The following GALNT10 variants were observed in gnomAD, a reference collection of about 807,000 sequenced individuals.
GALNT10 encodes the protein polypeptide N-acetylgalactosaminyltransferase 10, also known as GalNAc transferase 10.
Under a neutral mutation model 75.0 loss-of-function variants are expected in GALNT10, and 41 were observed. That is an observed-to-expected ratio of 0.55 (90% CI 0.43 to 0.71). GALNT10 has a LOEUF of 0.71. Among genes scored for constraint, GALNT10 ranks in the 30% least tolerant of loss-of-function variants. The probability of loss-of-function intolerance (pLI) is 0.00; values close to 1 mark genes in which losing one functional copy is unlikely to be tolerated. For synonymous variants in GALNT10, 302 were observed against 313.0 expected, an observed-to-expected ratio of 0.96 and a Z score of 0.37; for missense variants, 727 against 818.5, an observed-to-expected ratio of 0.89 and a Z score of 1.36.
At chr5:154,262,837 C>A (rs546973084) in intron 1 of GALNT10, among the ~76,000 whole-genome samples, 14 of 152,126 alleles carry the variant, frequency 9.2e-5, no homozygotes, top group African/African-American at 3.4e-4. Context: ...CATTTTTATT[C>A]TTTTAATGTT....
At chr5:154,271,752 G>C (rs1352734871) in intron 1 of GALNT10, among the ~76,000 whole-genome samples, 1 of 152,248 alleles carries the variant, frequency 6.6e-6, no homozygotes, top group Non-Finnish European at 1.5e-5. Flanking sequence ...AGAGAGGAAA[G>C]AGTCAAAAGC....
At chr5:154,396,415 CA>C (rs1178828289) in intron 7 of GALNT10, among the ~76,000 whole-genome samples, 1 of 152,100 alleles carries the variant, frequency 6.6e-6, no homozygotes, top group Admixed American at 6.5e-5. Flanking sequence ...GATTGCAAGC[CA>C]AGGGTGACCC....
chr5:154,347,215 CAGTG>C (rs750287280), intron 4 of GALNT10: 13 of 476,732 alleles, frequency 2.7e-5, no homozygotes, highest in Non-Finnish European at 4.9e-5. Context: ...TCACAGGACT[CAGTG>C]AGGTGAAACT....
intron 1 of GALNT10, among the ~76,000 whole-genome samples, chr5:154,225,503 A>G (rs1753048629): frequency 6.7e-6 from 1 of 150,338 alleles, no homozygotes; most frequent in East Asian, 2.0e-4. Flanking sequence ...TAGTCCTCCC[A>G]ACTCAGCCTC....
At chr5:154,288,123 G>C (rs1287307033) in intron 1 of GALNT10, among the ~76,000 whole-genome samples, 4 of 152,186 alleles carry the variant, frequency 2.6e-5, no homozygotes, top group African/African-American at 9.7e-5. Flanking sequence ...GCAGAGCCTG[G>C]TCTCTAACAC....
At chr5:154,373,916 A>G (rs1392853120) in intron 4 of GALNT10, among the ~76,000 whole-genome samples, 1 of 152,180 alleles carries the variant, frequency 6.6e-6, no homozygotes, top group African/African-American at 2.4e-5. Flanking sequence ...CTCAATGATT[A>G]GAGCCGGCCA....
intron 5 of GALNT10, among the ~76,000 whole-genome samples, chr5:154,377,987 A>G (rs1729475536): frequency 1.3e-5 from 2 of 152,218 alleles, no homozygotes; most frequent in African/African-American, 4.8e-5. Flanking sequence ...TGTAGTCTAA[A>G]TAGCCCTTAA....
At position 154,245,677 on chromosome 5, in the gene GALNT10, A is replaced by T. The variant is rs1753410558; in HGVS notation, c.160-49139A>T. Among the ~76,000 whole-genome samples the T allele has an allele frequency of 2.0e-5, 3 of 152,156 alleles. No homozygotes were observed. The South Asian group carries it at 6.2e-4, about 32-fold the overall frequency. ...GGAGAATCTAAGCATTTAGTCTACCAGGTAATGATGAAAAGAGGATGTGTA... is the reference window on the plus strand; with the variant it reads ...GGAGAATCTAAGCATTTAGTCTACCTGGTAATGATGAAAAGAGGATGTGTA... On this transcript the variant is annotated intron_variant, in intron 1 of 11. Coordinates refer to ENST00000297107, the MANE Select transcript of GALNT10 (RefSeq NM_198321.4).
intron 4 of GALNT10, among the ~76,000 whole-genome samples, chr5:154,350,519 G>A (rs933351846): frequency 6.6e-6 from 1 of 152,200 alleles, no homozygotes; most frequent in African/African-American, 2.4e-5. Context: ...TTAAATAGAT[G>A]TATGTGCAGG....
At chr5:154,267,081 C>T (rs1415577617) in intron 1 of GALNT10, among the ~76,000 whole-genome samples, 1 of 152,216 alleles carries the variant, frequency 6.6e-6, no homozygotes, top group Non-Finnish European at 1.5e-5. Flanking sequence ...ATAATCACAA[C>T]ATTCCTTCCA....
At chr5:154,359,753 T>C (rs1020031404) in intron 4 of GALNT10, among the ~76,000 whole-genome samples, 1 of 151,294 alleles carries the variant, frequency 6.6e-6, no homozygotes, top group African/African-American at 2.4e-5. Context: ...GTTTGTGTTA[T>C]GAAAACAGTA....
At chr5:154,210,256 A>G (rs1297093113) in intron 1 of GALNT10, among the ~76,000 whole-genome samples, 2 of 152,152 alleles carry the variant, frequency 1.3e-5, no homozygotes, top group East Asian at 3.9e-4. Context: ...CCAACAAGCC[A>G]TGTGTCCTTC....
At chr5:154,294,350 T>TA (rs952339931) in intron 1 of GALNT10, among the ~76,000 whole-genome samples, 1 of 151,906 alleles carries the variant, frequency 6.6e-6, no homozygotes, top group Non-Finnish European at 1.5e-5. Context: ...CCCATCTCCC[T>TA]AAAAAAAAGA....
At chr5:154,221,960 CTTAG>C (rs1234064527) in intron 1 of GALNT10, among the ~76,000 whole-genome samples, 1 of 151,948 alleles carries the variant, frequency 6.6e-6, no homozygotes, top group Non-Finnish European at 1.5e-5. Flanking sequence ...TTCCGTGAAG[CTTAG>C]TTGAAGTATA....
chr5:154,357,740 C>A (rs1489208179), intron 4 of GALNT10, among the ~76,000 whole-genome samples: 1 of 152,144 alleles, frequency 6.6e-6, no homozygotes, highest in Non-Finnish European at 1.5e-5. Flanking sequence ...CCACATATGC[C>A]TTAGCTGCCT....
rs549428163 is a variant in GALNT10, at chr5:154,260,804, C to T, written c.160-34012C>T. Among the ~76,000 whole-genome samples the T allele has an allele frequency of 2.8e-4, 43 of 152,292 alleles. 1 individual carries two copies. In the South Asian group the frequency reaches 7.5e-3, roughly 26 times the overall value. Reference sequence around the variant, plus strand: ...AAGTGAATACTATTTAGCTTCTTCACGTGAGTCAATGCAGCCTCATGGATG... The same window carrying T: ...AAGTGAATACTATTTAGCTTCTTCATGTGAGTCAATGCAGCCTCATGGATG... On this transcript the variant is annotated intron_variant, in intron 1 of 11. Transcript: ENST00000297107.
chr5:154,393,075 A>AAAAC (rs1755941564), intron 7 of GALNT10: 1 of 150,856 alleles, frequency 6.6e-6, no homozygotes, highest in African/African-American at 2.4e-5. Flanking sequence ...AAAAAAAAAA[A>AAAAC]AAACCCATTT....
chr5:154,311,321 G>A (rs1561657742), intron 3 of GALNT10, among the ~76,000 whole-genome samples: 2 of 152,308 alleles, frequency 1.3e-5, no homozygotes, highest in East Asian at 3.9e-4. Context: ...GTTGTGTGAT[G>A]ATGATTTATT....
In GALNT10 at chr5:154,317,836, G is replaced by A. The variant is rs532319099; in HGVS notation, c.402-11736G>A. 3.9e-5 allele frequency among the ~76,000 whole-genome samples: 6 copies of A among 152,280 alleles called. No individual in the cohort carries two copies. The South Asian group carries it at 6.2e-4, about 16-fold the overall frequency. ...CTTGGCTTCAGTCATAGCTCGATCC[G>A]GGTCCCCGACTGATGCCAGTAGGAA... On this transcript the variant is annotated intron_variant, in intron 3 of 11. Transcript: ENST00000297107.
Sources: allele counts gnomAD v4.1 joint callset (sites outside exome capture counted in the v4.1 genomes callset), GRCh38; gene constraint gnomAD v4.1.1; transcripts MANE v1.5; gene names NCBI Gene and HGNC (gene_info 2026-07-23, HGNC 2026-07-21).